Variants in CACNA2D3 observed in about 807,000 individuals in gnomAD.
CACNA2D3 encodes voltage-dependent calcium channel subunit alpha-2/delta-3.
CACNA2D3 carries 60 observed loss-of-function variants against 160.6 expected under a neutral mutation model. The observed-to-expected ratio is 0.37, with a 90% CI of 0.30 to 0.46. The LOEUF (loss-of-function observed/expected upper bound fraction) is 0.46, where lower values mean the gene tolerates loss of function less well. Ranked by LOEUF, CACNA2D3 falls within the 20% of genes least tolerant of loss-of-function variation. The pLI is 1.00. For missense variants in CACNA2D3, 1,205 were observed against 1,365.0 expected (o/e 0.88, Z 1.85); for synonymous variants, 558 against 492.9 (o/e 1.13, Z -1.75).
At chr3:54,472,037 A>C (rs752109408) in intron 4 of CACNA2D3, among the ~76,000 whole-genome samples, 3 of 152,254 alleles carry the variant, frequency 2.0e-5, no homozygotes, top group Non-Finnish European at 4.4e-5. Context: ...CTCCTCCCTA[A>C]CATATTTTGT....
chr3:54,678,832 A>G (rs1360999064), intron 11 of CACNA2D3, among the ~76,000 whole-genome samples: 2 of 151,726 alleles, frequency 1.3e-5, no homozygotes, highest in African/African-American at 4.8e-5. Flanking sequence ...AAATTAAATG[A>G]TAATGAATTA....
In CACNA2D3 at chr3:54,346,242, C is replaced by T. The variant is rs142628174; in HGVS notation, c.321+25684C>T. On this transcript the variant is annotated intron_variant, in intron 3 of 37. Coordinates refer to ENST00000474759, the MANE Select transcript of CACNA2D3 (RefSeq NM_018398.3). Reference sequence around the variant, plus strand: ...GACGGATGATAGGATACAGAAGCCTCCGTCAGAGCAACCTGGCCCACTGCT... The same window carrying T: ...GACGGATGATAGGATACAGAAGCCTTCGTCAGAGCAACCTGGCCCACTGCT... Among the ~76,000 whole-genome samples, 633 of 152,232 alleles carry T rather than the reference C, an allele frequency of 4.2e-3. 6 individuals are homozygous for T. The highest frequency in any genetic ancestry group is 0.015 in the African/African-American group (606 of 41,538).
At chr3:54,566,714 C>T (rs992221856) in intron 6 of CACNA2D3, among the ~76,000 whole-genome samples, 3 of 152,180 alleles carry the variant, frequency 2.0e-5, no homozygotes, top group East Asian at 3.9e-4. Context: ...TTTCTATAGC[C>T]GTACGCAGGG....
intron 17 of CACNA2D3, among the ~76,000 whole-genome samples, chr3:54,862,883 T>G (rs1442527928): frequency 1.3e-5 from 2 of 152,178 alleles, no homozygotes; most frequent in Non-Finnish European, 2.9e-5. Context: ...TTTTTGCAGT[T>G]TCAAAACTAG....
At chr3:54,365,491 C>G (rs1002150930) in intron 3 of CACNA2D3, among the ~76,000 whole-genome samples, 3 of 152,320 alleles carry the variant, frequency 2.0e-5, no homozygotes, top group Admixed American at 6.5e-5. Flanking sequence ...TTCTTCCCTG[C>G]CTCTTTCTCT....
chr3:54,295,166 A>C (rs1703312494), intron 2 of CACNA2D3, among the ~76,000 whole-genome samples: 1 of 152,140 alleles, frequency 6.6e-6, no homozygotes, highest in South Asian at 2.1e-4. Context: ...AGCTATGCCG[A>C]GAAGAGTTGG....
At chr3:54,802,976 T>C (rs1009196745) in intron 13 of CACNA2D3, among the ~76,000 whole-genome samples, 1 of 152,016 alleles carries the variant, frequency 6.6e-6, no homozygotes, top group Non-Finnish European at 1.5e-5. Context: ...CTAGCAAACT[T>C]CAACAGACAT....
intron 4 of CACNA2D3, among the ~76,000 whole-genome samples, chr3:54,484,176 G>A (rs1700977650): frequency 6.6e-6 from 1 of 152,118 alleles, no homozygotes; most frequent in African/African-American, 2.4e-5. Flanking sequence ...TAAATAACAT[G>A]GCCATTTTTT....
chr3:54,581,798 TGCAG>T lies in CACNA2D3; in HGVS notation c.889-4_889-1del. The T allele has an allele frequency of 6.2e-7, 1 of 1,612,316 alleles. No homozygotes were observed. Among genetic ancestry groups the T allele is most frequent in the South Asian group, 1.1e-5 (1 of 90,780 alleles). On this transcript the variant is annotated splice_acceptor_variant and splice_polypyrimidine_tract_variant and intron_variant, in intron 8 of 37. Transcript: ENST00000474759. LOFTEE classifies it high-confidence loss of function. ...GTGTTCCTTCTTGACTTTTTTCCTT[TGCAG>T]TATAATGAGGAGCTTCACTATGTGG...
rs577867263 is a variant in CACNA2D3 at position 54,783,065 on chromosome 3, A to T, written c.1380+18714A>T. The stretch of plus-strand genomic sequence containing the variant: ...TTTGCCTAAGGAAATGGGATAATTC[A>T]TGGAACAAATGGAATTCAACCTTGG... On this transcript the variant is annotated intron_variant, in intron 13 of 37. Coordinates refer to ENST00000474759, the MANE Select transcript of CACNA2D3 (RefSeq NM_018398.3). Among the ~76,000 whole-genome samples, 4 of 152,298 alleles carry T rather than the reference A, an allele frequency of 2.6e-5. No homozygotes were observed. In the South Asian group the frequency reaches 8.3e-4, roughly 32 times the overall value.
Position 54,895,690 on chromosome 3 carries a change from C to A in CACNA2D3, c.2247-1059C>A, listed in dbSNP as rs530105814. Among the ~76,000 whole-genome samples the A allele has an allele frequency of 8.9e-4, 135 of 152,248 alleles. 1 individual carries two copies. The highest frequency in any genetic ancestry group is 2.6e-3 in the Admixed American group (39 of 15,290). On this transcript the variant is annotated intron_variant, in intron 25 of 37. Coordinates refer to ENST00000474759, the MANE Select transcript of CACNA2D3 (RefSeq NM_018398.3). Reference sequence around the variant, plus strand: ...GCCTTTTCCCTACCTATATGTTGTCCCTTGATTGGTCTCCCTTCCAGAAAA... The same window carrying A: ...GCCTTTTCCCTACCTATATGTTGTCACTTGATTGGTCTCCCTTCCAGAAAA...
intron 3 of CACNA2D3, among the ~76,000 whole-genome samples, chr3:54,374,439 C>T (rs943547268): frequency 2.6e-5 from 4 of 152,208 alleles, no homozygotes; most frequent in African/African-American, 7.2e-5. Flanking sequence ...CCAGCCCTAC[C>T]GTAGAAGACA....
At chr3:54,649,464 C>T (rs1020102188) in intron 11 of CACNA2D3, among the ~76,000 whole-genome samples, 11 of 152,178 alleles carry the variant, frequency 7.2e-5, no homozygotes, top group Admixed American at 2.0e-4. Flanking sequence ...AGTCAGCTTG[C>T]GCTGCTATGA....
chr3:54,806,680 A>C (rs866579224), intron 13 of CACNA2D3, among the ~76,000 whole-genome samples: 130 of 152,246 alleles, frequency 8.5e-4, no homozygotes, highest in African/African-American at 2.1e-3. Flanking sequence ...CAATGCCTTT[A>C]TTCACAGAAT....
rs530953626 is a variant in CACNA2D3, at chr3:54,532,540, A to G, written c.544+28886A>G. Among the ~76,000 whole-genome samples the G allele has an allele frequency of 2.0e-5, 3 of 152,312 alleles. No homozygotes were observed. The South Asian group carries it at 6.2e-4, about 32-fold the overall frequency. The stretch of plus-strand genomic sequence containing the variant: ...ATCATTTAGCTATCATTTGTAAATG[A>G]GGACATGCACTATTTCACTTTCTGT... On this transcript the variant is annotated intron_variant, in intron 5 of 37. Transcript: ENST00000474759.
chr3:55,074,210 T>G lies in CACNA2D3; in HGVS notation c.*4T>G. On this transcript the variant is annotated 3_prime_UTR_variant, in exon 38 of 38. Transcript: ENST00000474759. ...TTTGATGCTCTTCTCAAGGTGACAC[T>G]GACTGAGATGTTCTCTTACTGACTG... is the stretch of plus-strand genomic sequence containing the variant. 1 of 1,022,600 alleles carries G rather than the reference T, an allele frequency of 9.8e-7. No homozygotes were observed. The highest frequency in any genetic ancestry group is 1.4e-6 in the Non-Finnish European group (1 of 712,202). The allele number at this position is 1,022,600 out of a possible 1,614,324, so 63.3% of individuals were successfully genotyped here.
chr3:54,266,835 G>T, intron 2 of CACNA2D3, among the ~76,000 whole-genome samples: 1 of 152,232 alleles, frequency 6.6e-6, no homozygotes, highest in Non-Finnish European at 1.5e-5. Flanking sequence ...CACTCATGTG[G>T]CAGCAGCTTG....
intron 2 of CACNA2D3, among the ~76,000 whole-genome samples, chr3:54,188,775 C>T (rs1246646576): frequency 6.6e-6 from 1 of 152,116 alleles, no homozygotes; most frequent in Non-Finnish European, 1.5e-5. Flanking sequence ...CCCCAAACTT[C>T]CAAAATGGAT....
At chr3:54,526,500 T>A (rs997660307) in intron 5 of CACNA2D3, among the ~76,000 whole-genome samples, 1 of 152,190 alleles carries the variant, frequency 6.6e-6, no homozygotes, top group Admixed American at 6.5e-5. Context: ...GTTATTTGAT[T>A]TTAGTGACTG....
Sources: gnomAD v4.1 joint callset for allele counts (sites outside exome capture counted in the v4.1 genomes callset) on GRCh38, gnomAD v4.1.1 for gene constraint, MANE v1.5 for transcripts, NCBI Gene and HGNC (gene_info 2026-07-23, HGNC 2026-07-21) for gene names.